The following SH3RF1 variants were observed in gnomAD, a reference collection of about 807,000 sequenced individuals.
SH3RF1 encodes the protein SH3 domain containing ring finger 1.
Under a neutral mutation model 74.0 loss-of-function variants are expected in SH3RF1, and 32 were observed. The ratio of observed to expected loss-of-function variants is 0.43; its 90% CI spans 0.33 to 0.58. SH3RF1 has a LOEUF of 0.58. SH3RF1 is among the 20% of genes least tolerant of loss of function. The pLI is 0.05. For missense variants in SH3RF1, 954 were observed against 1,130.9 expected (o/e 0.84, Z 2.24); for synonymous variants, 396 against 439.6 (o/e 0.90, Z 1.24).
At chr4:169,116,900 C>T (rs188554246) in intron 9 of SH3RF1, among the ~76,000 whole-genome samples, 1 of 152,322 alleles carries the variant, frequency 6.6e-6, no homozygotes, top group Non-Finnish European at 1.5e-5. Context: ...GAGACAGCCT[C>T]TCCACAGTGT....
intron 2 of SH3RF1, among the ~76,000 whole-genome samples, chr4:169,181,329 C>A (rs1159956755): frequency 1.3e-5 from 2 of 149,724 alleles, no homozygotes; most frequent in African/African-American, 4.9e-5. Context: ...GTGGTGCCAC[C>A]TCAATTCACT....
intron 2 of SH3RF1, among the ~76,000 whole-genome samples, chr4:169,255,614 T>TACATACACACAC (rs2110751608): frequency 1.7e-5 from 1 of 59,164 alleles, no homozygotes; most frequent in South Asian, 7.1e-4. Context: ...CACACATACA[T>TACATACACACAC]ACACACATAC....
chr4:169,096,774 A>G, intron 11 of SH3RF1, 87 bp from the exon 12 acceptor site: 1 of 1,209,294 alleles, frequency 8.3e-7, no homozygotes, highest in Non-Finnish European at 1.2e-6. Context: ...AACCTTCAAC[A>G]TAAATAGGAA....
At position 169,120,834 on chromosome 4, in the gene SH3RF1, A is replaced by G; in HGVS notation, c.1502T>C (p.Val501Ala). The G allele has an allele frequency of 6.2e-7, 1 of 1,614,204 alleles. No homozygotes were observed. Among genetic ancestry groups the G allele is most frequent in the Non-Finnish European group, 8.5e-7 (1 of 1,180,034 alleles). Reference protein sequence around the residue: ...SKIGVFPGNYVAPVTRAVTNA... With the variant: ...SKIGVFPGNYAAPVTRAVTNA... ...AAAACCATACCTTGTGACTGGTGCC[A>G]CATAATTGCCAGGGAAAACCCCTAT... is the stretch of plus-strand genomic sequence containing the variant. Residue 501 changes from valine (V) to alanine (A), a missense_variant, in exon 8 of 12, where the codon GTG becomes GCG. Val to Ala is a moderately conservative substitution (Grantham distance 64, BLOSUM62 0). Transcript: ENST00000284637.
At chr4:169,136,652 A>G (rs1733708020) in intron 4 of SH3RF1, 32 bp from the exon 5 acceptor site, 1 of 1,464,774 alleles carries the variant, frequency 6.8e-7, no homozygotes, top group African/African-American at 1.4e-5. Flanking sequence ...CAACACAAGA[A>G]GGTTAAACAA....
At chr4:169,246,969 G>A (rs1038856173) in intron 2 of SH3RF1, among the ~76,000 whole-genome samples, 21 of 152,168 alleles carry the variant, frequency 1.4e-4, no homozygotes, top group African/African-American at 4.8e-4. Flanking sequence ...CATTCTGCAG[G>A]AAAATTAGAA....
intron 2 of SH3RF1, among the ~76,000 whole-genome samples, chr4:169,157,169 G>A (rs565579154): frequency 1.3e-5 from 2 of 152,236 alleles, no homozygotes; most frequent in African/African-American, 4.8e-5. Flanking sequence ...ATCAGAGTTC[G>A]GCTTTTAGGC....
At chr4:169,178,725 C>G (rs1579122111) in intron 2 of SH3RF1, among the ~76,000 whole-genome samples, 2 of 152,264 alleles carry the variant, frequency 1.3e-5, no homozygotes, top group Admixed American at 1.3e-4. Context: ...AGGCCTAGAC[C>G]ATGTATGCAA....
intron 2 of SH3RF1, among the ~76,000 whole-genome samples, chr4:169,213,469 C>G (rs1164459324): frequency 6.6e-6 from 1 of 152,190 alleles, no homozygotes; most frequent in East Asian, 1.9e-4. Flanking sequence ...TTCTCCTAGT[C>G]TGTAACTTGC....
chr4:169,148,925 G>A (rs1430964909), intron 4 of SH3RF1, among the ~76,000 whole-genome samples: 1 of 152,096 alleles, frequency 6.6e-6, no homozygotes, highest in Non-Finnish European at 1.5e-5. Flanking sequence ...AGGGCCCTGG[G>A]TACATGTAGC....
chr4:169,232,547 C>T (rs1446217611), intron 2 of SH3RF1, among the ~76,000 whole-genome samples: 1 of 152,182 alleles, frequency 6.6e-6, no homozygotes, highest in African/African-American at 2.4e-5. Flanking sequence ...CTGGTCCTTT[C>T]TCTCCAATCC....
chr4:169,246,864 A>C (rs1731002162), intron 2 of SH3RF1, among the ~76,000 whole-genome samples: 1 of 152,270 alleles, frequency 6.6e-6, no homozygotes, highest in South Asian at 2.1e-4. Context: ...ATTCCCTGGT[A>C]AATATGACAA....
chr4:169,255,632 C>T (rs867625358), intron 2 of SH3RF1, among the ~76,000 whole-genome samples: 2 of 147,184 alleles, frequency 1.4e-5, no homozygotes, highest in African/African-American at 5.2e-5. Flanking sequence ...TACACACACA[C>T]ACACACACAC....
rs80070750 is a variant in SH3RF1 at position 169,265,976 on chromosome 4, T to C, written c.393+2844A>G. Among the ~76,000 whole-genome samples, 771 of 152,318 alleles carry C rather than the reference T, an allele frequency of 5.1e-3. 7 individuals are homozygous for C. The highest frequency in any genetic ancestry group is 0.016 in the African/African-American group (683 of 41,568). ...ATTTTAACTTCTGCAGCTACATTTCTTAGGCCATAGACAGGTATCAGCAGT... is the reference window on the plus strand; with the variant it reads ...ATTTTAACTTCTGCAGCTACATTTCCTAGGCCATAGACAGGTATCAGCAGT... On this transcript the variant is annotated intron_variant, in intron 2 of 11. Coordinates refer to ENST00000284637, the MANE Select transcript of SH3RF1 (RefSeq NM_020870.4).
rs1160741667 is a variant in SH3RF1, at chr4:169,096,009, A to G, written c.*510T>C. 1.3e-5 allele frequency: 2 copies of G among 152,380 alleles called. No individual in the cohort carries two copies. Among genetic ancestry groups the G allele is most frequent in the Admixed American group, 6.5e-5 (1 of 15,280 alleles). 9.4% of individuals were successfully genotyped at this position (152,380 alleles called of 1,614,324 possible). A position where few individuals can be genotyped will look rare whatever the true frequency, so the allele number is the denominator to read the frequency against. ...GATTTCTATCTTAAAGAAGCAAAAC[A>G]TAACCCCAAAATATAATGGTAGCAG... On this transcript the variant is annotated 3_prime_UTR_variant, in exon 12 of 12. Coordinates refer to ENST00000284637, the MANE Select transcript of SH3RF1 (RefSeq NM_020870.4).
chr4:169,223,615 T>C (rs564947756), intron 2 of SH3RF1, among the ~76,000 whole-genome samples: 1 of 152,332 alleles, frequency 6.6e-6, no homozygotes, highest in Admixed American at 6.5e-5. Flanking sequence ...TGGAGCTTAC[T>C]TTCTTTTTTA....
intron 2 of SH3RF1, among the ~76,000 whole-genome samples, chr4:169,216,756 T>G (rs1446268778): frequency 6.6e-6 from 1 of 152,164 alleles, no homozygotes; most frequent in Non-Finnish European, 1.5e-5. Flanking sequence ...TTTATATTTT[T>G]GACAATTTGA....
intron 2 of SH3RF1, among the ~76,000 whole-genome samples, chr4:169,205,237 C>T (rs752801070): frequency 3.9e-5 from 6 of 152,156 alleles, no homozygotes; most frequent in Non-Finnish European, 7.3e-5. Flanking sequence ...AAAGTTAATG[C>T]CAATAAGTCT....
intron 4 of SH3RF1, among the ~76,000 whole-genome samples, chr4:169,142,241 C>A (rs959150297): frequency 1.3e-5 from 2 of 152,106 alleles, no homozygotes; most frequent in South Asian, 4.1e-4. Context: ...CAGGCGTGAG[C>A]GATTGCGCCT....
Sources: gnomAD v4.1 joint callset for allele counts (sites outside exome capture counted in the v4.1 genomes callset) on GRCh38, gnomAD v4.1.1 for gene constraint, MANE v1.5 for transcripts, NCBI Gene and HGNC (gene_info 2026-07-23, HGNC 2026-07-21) for gene names.